The following MDFIC variants were observed in gnomAD, a reference collection of about 807,000 sequenced individuals.
MDFIC encodes myoD family inhibitor domain-containing protein.
MDFIC carries 17 observed loss-of-function variants against 23.2 expected under a neutral mutation model. The observed-to-expected ratio is 0.73, with a 90% CI of 0.50 to 1.10. The LOEUF (loss-of-function observed/expected upper bound fraction) is 1.10, where lower values mean the gene tolerates loss of function less well. MDFIC is among the 50% of genes least tolerant of loss of function. The pLI, the probability that MDFIC is intolerant of heterozygous loss-of-function variation, is 0.00. For synonymous variants in MDFIC, 120 were observed against 115.2 expected (o/e 1.04, Z -0.27); for missense variants, 356 against 316.6 (o/e 1.12, Z -0.95).
Position 114,923,077 on chromosome 7 carries a change from C to A in MDFIC, c.44C>A (p.Pro15Gln). The A allele has an allele frequency of 1.4e-6, 2 of 1,421,424 alleles. No individual in the cohort carries two copies. The highest frequency in any genetic ancestry group is 1.8e-6 in the Non-Finnish European group (2 of 1,088,282). 88.1% of individuals were successfully genotyped at this position (1,421,424 alleles called of 1,614,324 possible). A position where few individuals can be genotyped will look rare whatever the true frequency, so the allele number is the denominator to read the frequency against. The change falls in exon 2 of 5, where the codon CCG becomes CAG. Residue 15 changes from proline to glutamine, a missense_variant. By Grantham distance (76) the Pro-to-Gln change is moderately conservative. Transcript: ENST00000393486. ...GCCCTCGCTCCCGGGCCCGTGGGGCCGCAGCGCGTGGCCGAGGCGGGCGGC... is the reference window on the plus strand; with the variant it reads ...GCCCTCGCTCCCGGGCCCGTGGGGCAGCAGCGCGTGGCCGAGGCGGGCGGC... ...GEALAPGPVGPQRVAEAGGGQ... is the reference protein window; with the variant it reads ...GEALAPGPVGQQRVAEAGGGQ...
chr7:114,951,077 T>C (rs1235454712), intron 3 of MDFIC, among the ~76,000 whole-genome samples: 3 of 152,098 alleles, frequency 2.0e-5, no homozygotes. Flanking sequence ...TCCCAGTTAC[T>C]TGGGAGGCTG....
rs113325392 is a variant in MDFIC at position 114,949,005 on chromosome 7, A to G, written c.217+6608A>G. ...TACTTTCCATTGTGCTTAAGTGATC[A>G]GATTTGTTTTCGTGAAGATTGGATA... On this transcript the variant is annotated intron_variant, in intron 3 of 4. Transcript: ENST00000393486. Among the ~76,000 whole-genome samples, 1,310 of 152,320 alleles carry G rather than the reference A, an allele frequency of 8.6e-3. 9 individuals are homozygous for G. Among genetic ancestry groups the G allele is most frequent in the Non-Finnish European group, 0.014 (929 of 68,018 alleles).
chr7:114,975,663 T>A (rs1187794250), intron 3 of MDFIC, among the ~76,000 whole-genome samples: 2 of 152,110 alleles, frequency 1.3e-5, no homozygotes, highest in Non-Finnish European at 2.9e-5. Context: ...TTTTTGTTCT[T>A]CATTTGAAAA....
At chr7:114,949,279 G>A (rs1350166835) in intron 3 of MDFIC, among the ~76,000 whole-genome samples, 1 of 152,278 alleles carries the variant, frequency 6.6e-6, no homozygotes, top group Non-Finnish European at 1.5e-5. Flanking sequence ...GTAAGTAGTG[G>A]ACAAGGGCTC....
chr7:114,994,178 C>CT (rs1414487959), intron 4 of MDFIC, among the ~76,000 whole-genome samples: 1 of 151,962 alleles, frequency 6.6e-6, no homozygotes, highest in Non-Finnish European at 1.5e-5. Flanking sequence ...CAACCCCTGC[C>CT]TTTTTTTGTT....
At chr7:114,935,572 G>T (rs1236093418) in intron 2 of MDFIC, among the ~76,000 whole-genome samples, 10 of 151,534 alleles carry the variant, frequency 6.6e-5, no homozygotes, top group African/African-American at 2.2e-4. Flanking sequence ...CCTCTGCCTG[G>T]TTCAGTAGAA....
chr7:114,948,203 CT>C (rs1415679645), intron 3 of MDFIC, among the ~76,000 whole-genome samples: 1 of 107,840 alleles, frequency 9.3e-6, no homozygotes, highest in African/African-American at 3.3e-5. Context: ...TTCTAAATCA[CT>C]ACAGTATTCC....
intron 3 of MDFIC, among the ~76,000 whole-genome samples, chr7:114,949,629 A>G (rs1287372328): frequency 1.3e-5 from 2 of 152,220 alleles, no homozygotes; most frequent in African/African-American, 2.4e-5. Flanking sequence ...CAGTTTACCA[A>G]CTGAGTTATG....
At chr7:115,004,625 T>C (rs967380458) in intron 4 of MDFIC, among the ~76,000 whole-genome samples, 1 of 152,228 alleles carries the variant, frequency 6.6e-6, no homozygotes, top group African/African-American at 2.4e-5. Flanking sequence ...GAATCTGACA[T>C]GTAGTCAAAT....
At chr7:114,950,916 G>A (rs1792756537) in intron 3 of MDFIC, among the ~76,000 whole-genome samples, 2 of 152,116 alleles carry the variant, frequency 1.3e-5, no homozygotes, top group Non-Finnish European at 2.9e-5. Flanking sequence ...GCTCACACCT[G>A]TAATCCCAGC....
chr7:115,003,524 A>C (rs1791505068), intron 4 of MDFIC, among the ~76,000 whole-genome samples: 1 of 152,152 alleles, frequency 6.6e-6, no homozygotes, highest in African/African-American at 2.4e-5. Flanking sequence ...AACTCATGCT[A>C]ATCCTACTTT....
chr7:114,961,362 G>C (rs371797650), intron 3 of MDFIC, among the ~76,000 whole-genome samples: 1 of 152,130 alleles, frequency 6.6e-6, no homozygotes, highest in Non-Finnish European at 1.5e-5. Flanking sequence ...ACCTCCTCCT[G>C]GTTGCCATTG....
Position 114,922,329 on chromosome 7 carries a change from G to C in MDFIC, c.-415G>C. 9.5e-7 allele frequency: 1 copy of C among 1,053,236 alleles called. No individual in the cohort carries two copies. Among genetic ancestry groups the C allele is most frequent in the Non-Finnish European group, 1.2e-6 (1 of 825,150 alleles). 65.2% of individuals were successfully genotyped at this position (1,053,236 alleles called of 1,614,324 possible). ...GGAGAAGTGTTTCAGGATTGTAGGAGTGGAAGAGGGGAAAGAGAGGCAGAG... is the reference window on the plus strand; with the variant it reads ...GGAGAAGTGTTTCAGGATTGTAGGACTGGAAGAGGGGAAAGAGAGGCAGAG... On this transcript the variant is annotated 5_prime_UTR_variant, in exon 1 of 5. Coordinates refer to ENST00000393486, the MANE Select transcript of MDFIC (RefSeq NM_001166345.3).
rs7780231 is a variant in MDFIC, at chr7:114,969,049, T to C, written c.218-10457T>C. 4.0e-3 allele frequency among the ~76,000 whole-genome samples: 616 copies of C among 152,294 alleles called. 3 individuals are homozygous for C. The highest frequency in any genetic ancestry group is 0.014 in the African/African-American group (566 of 41,562). Reference sequence around the variant, plus strand: ...AGGAAAAAACTTTCAGTTACGAAATTTGACTTTGACTTTTCTGACGCTGTT... The same window carrying C: ...AGGAAAAAACTTTCAGTTACGAAATCTGACTTTGACTTTTCTGACGCTGTT... On this transcript the variant is annotated intron_variant, in intron 3 of 4. Transcript: ENST00000393486.
chr7:114,993,958 C>G (rs1409962504), intron 4 of MDFIC, among the ~76,000 whole-genome samples: 2 of 152,098 alleles, frequency 1.3e-5, no homozygotes, highest in Non-Finnish European at 2.9e-5. Flanking sequence ...GTGTTAAGGT[C>G]TCCCATTATT....
intron 4 of MDFIC, among the ~76,000 whole-genome samples, chr7:115,009,387 G>C (rs1442949260): frequency 2.0e-5 from 3 of 152,162 alleles, no homozygotes; most frequent in African/African-American, 7.2e-5. Flanking sequence ...AGATAAAAGA[G>C]GCTCGTTTAG....
chr7:114,942,338 A>C lies in MDFIC; in HGVS notation c.158A>C (p.His53Pro). ...ITQATNSHFT[H>P]GEMQDQSIWG... is the part of the protein sequence containing the mutation. The stretch of plus-strand genomic sequence containing the variant: ...CAAGCTACCAATAGCCACTTCACAC[A>C]TGGAGAGATGCAAGACCAGTCCATT... Residue 53 changes from histidine (H) to proline (P), a missense_variant, in exon 3 of 5, where the codon CAT (histidine) becomes CCT (proline). His to Pro is a moderately conservative substitution (Grantham distance 77). Coordinates refer to ENST00000393486, the MANE Select transcript of MDFIC (RefSeq NM_001166345.3). 6.2e-7 allele frequency: 1 copy of C among 1,605,458 alleles called. No individual in the cohort carries two copies. Among genetic ancestry groups the C allele is most frequent in the Non-Finnish European group, 8.5e-7 (1 of 1,173,682 alleles).
chr7:114,941,830 A>G (rs1792545943), intron 2 of MDFIC, among the ~76,000 whole-genome samples: 2 of 151,786 alleles, frequency 1.3e-5, no homozygotes, highest in Admixed American at 1.3e-4. Context: ...TGTTTTCTAT[A>G]CCTCCTCACT....
Position 115,015,803 on chromosome 7 carries a change from C to T in MDFIC, c.609C>T (p.Cys203=). 6.2e-7 allele frequency: 1 copy of T among 1,614,180 alleles called. No individual in the cohort carries two copies. The highest frequency in any genetic ancestry group is 8.5e-7 in the Non-Finnish European group (1 of 1,180,034). ...GCACCTCAGAAGCCTGCTGCTGTTGCTGTGGTGACGAGATGGGGGATGATT... is the reference window on the plus strand; with the variant it reads ...GCACCTCAGAAGCCTGCTGCTGTTGTTGTGGTGACGAGATGGGGGATGATT... ...GICTSEACCC[C]CGDEMGDDCN... Residue 203 remains cysteine, a synonymous_variant, in exon 5 of 5, where the codon TGC becomes TGT. Transcript: ENST00000393486.
Sources: allele counts gnomAD v4.1 joint callset (sites outside exome capture counted in the v4.1 genomes callset), GRCh38; gene constraint gnomAD v4.1.1; transcripts MANE v1.5; gene names NCBI Gene and HGNC (gene_info 2026-07-23, HGNC 2026-07-21).